ASXL1: variants seen among roughly 807,000 people sequenced by gnomAD.
The protein encoded by ASXL1 is ASXL transcriptional regulator 1, also known as polycomb group protein ASXL1.
ASXL1 carries 65 observed loss-of-function variants against 89.1 expected under a neutral mutation model. The ratio of observed to expected loss-of-function variants is 0.73; its 90% confidence interval spans 0.60 to 0.90. The LOEUF (loss-of-function observed/expected upper bound fraction) is 0.90. Among genes scored for constraint, ASXL1 ranks in the 40% least tolerant of loss-of-function variants. The pLI is 0.00. For synonymous variants in ASXL1, 739 were observed against 746.9 expected, an observed-to-expected ratio of 0.99 and a Z score of 0.17; for missense variants, 1,786 against 1,942.9, an observed-to-expected ratio of 0.92 and a Z score of 1.52.
Position 32,437,014 on chromosome 20 carries a change from C to T in ASXL1, c.4302C>T (p.Leu1434=). The T allele has an allele frequency of 1.9e-6, 3 of 1,614,122 alleles. No homozygotes were observed. Among genetic ancestry groups the T allele is most frequent in the Non-Finnish European group, 2.5e-6 (3 of 1,180,024 alleles). ...AGCCTTCTTCTCTCCCCTCCCAACT[C>T]AGCATCAAGCAGGCATTTTATGGGA... is the stretch of plus-strand genomic sequence containing the variant. ...PLEPSSLPSQ[L]SIKQAFYGKL... Residue 1434 remains leucine (L), a synonymous_variant, in exon 13 of 13, where the codon CTC becomes CTT. Transcript: ENST00000375687.
chr20:32,391,518 T>G (rs2048669987), intron 4 of ASXL1, among the ~76,000 whole-genome samples: 1 of 152,208 alleles, frequency 6.6e-6, no homozygotes, highest in African/African-American at 2.4e-5. Context: ...AGAGCTTTAC[T>G]CTCTTGCCCA....
At chr20:32,407,438 T>A (rs2048974739) in intron 4 of ASXL1, among the ~76,000 whole-genome samples, 1 of 152,082 alleles carries the variant, frequency 6.6e-6, no homozygotes, top group African/African-American at 2.4e-5. Flanking sequence ...GCAAATATTT[T>A]CTCCCAGTCT....
chr20:32,396,089 A>G (rs2048758436), intron 4 of ASXL1, among the ~76,000 whole-genome samples: 1 of 152,158 alleles, frequency 6.6e-6, no homozygotes, highest in Non-Finnish European at 1.5e-5. Flanking sequence ...ATGAGCGACC[A>G]CACCTGGTTT....
At position 32,436,056 on chromosome 20, in the gene ASXL1, G is replaced by A. The variant is rs1418007201; in HGVS notation, c.3344G>A (p.Ser1115Asn). 6.2e-7 allele frequency: 1 copy of A among 1,614,202 alleles called. No homozygotes were observed. The highest frequency in any genetic ancestry group is 8.5e-7 in the Non-Finnish European group (1 of 1,180,040). The stretch of plus-strand genomic sequence containing the variant: ...CTTGTGATGCAGTTGCTGCAGGGTA[G>A]CTTGCCCCTAGAGAAGGTTCTTCCA... The part of the protein sequence containing the change: ...NPLVMQLLQG[S>N]LPLEKVLPPA... The change falls in exon 13 of 13, where the codon AGC (serine) becomes AAC (asparagine). Residue 1115 changes from serine to asparagine, a missense_variant. Coordinates refer to ENST00000375687, the MANE Select transcript of ASXL1 (RefSeq NM_015338.6).
intron 3 of ASXL1, 92 bp from the exon 4 acceptor site, chr20:32,368,923 T>G (rs2048249424): frequency 9.6e-7 from 1 of 1,042,178 alleles, no homozygotes; most frequent in African/African-American, 1.6e-5. Context: ...CTTGCTTAGC[T>G]TCTTCTCATT....
In ASXL1 at chr20:32,433,669, C is replaced by G. The variant is rs1335820343; in HGVS notation, c.1471C>G (p.Gln491Glu). Reference sequence around the variant, plus strand: ...AGTTGAGTCTGTGGCTTCTCGGATCCAGGCTGAGCCAGACAACTTGGCACG... The same window carrying G: ...AGTTGAGTCTGTGGCTTCTCGGATCGAGGCTGAGCCAGACAACTTGGCACG... ...FPVESVASRIQAEPDNLARAS... is the reference protein window; with the variant it reads ...FPVESVASRIEAEPDNLARAS... The change falls in exon 12 of 13, where the codon CAG (glutamine) becomes GAG (glutamate). Residue 491 changes from glutamine (Q) to glutamate (E), a missense_variant. By Grantham distance (29) the Gln-to-Glu change is conservative. Around this residue, in one of 3 missense-constraint regions of ASXL1, gnomAD observed 1,418 missense variants for 1,427.8 expected, o/e 0.99. Transcript: ENST00000375687. 6.2e-7 allele frequency: 1 copy of G among 1,611,064 alleles called. No homozygotes were observed. The highest frequency in any genetic ancestry group is 8.5e-7 in the Non-Finnish European group (1 of 1,177,622).
At chr20:32,428,465 C>T (rs371782718) in intron 6 of ASXL1, 43 bp downstream of exon 6, 67 of 1,536,326 alleles carry the variant, frequency 4.4e-5, no homozygotes, top group Non-Finnish European at 5.8e-5. Flanking sequence ...TGAATGATGA[C>T]AGGTATAAGG....
At position 32,435,980 on chromosome 20, in the gene ASXL1, A is replaced by G. The variant is rs2011830292; in HGVS notation, c.3268A>G (p.Arg1090Gly). ...LLLASTEYQP[R>G]AVCLSMPGSS... ...GCTGGCCAGTACTGAGTACCAGCCA[A>G]GAGCCGTGTGCCTGTCCATGCCTGG... Residue 1090 changes from arginine (R) to glycine (G), a missense_variant, in exon 13 of 13, where the codon AGA becomes GGA. Physicochemically the swap from Arg to Gly is moderately radical, Grantham distance 125 (BLOSUM62 -2). Transcript: ENST00000375687. 3 of 1,614,058 alleles carry G rather than the reference A, an allele frequency of 1.9e-6. No individual in the cohort carries two copies. The South Asian group carries it at 3.3e-5, about 18-fold the overall frequency.
At position 32,387,943 on chromosome 20, in the gene ASXL1, C is replaced by G. The variant is rs185568684; in HGVS notation, c.252+18820C>G. Reference sequence around the variant, plus strand: ...ACTCCATTTTTTAAGTTGCTTAAATCAGAAACCTGGGAGTCATCAATTTTG... The same window carrying G: ...ACTCCATTTTTTAAGTTGCTTAAATGAGAAACCTGGGAGTCATCAATTTTG... On this transcript the variant is annotated intron_variant, in intron 4 of 12. Coordinates refer to ENST00000375687, the MANE Select transcript of ASXL1 (RefSeq NM_015338.6). 4.6e-5 allele frequency among the ~76,000 whole-genome samples: 7 copies of G among 152,270 alleles called. No individual in the cohort carries two copies. The East Asian group carries it at 1.2e-3, about 25-fold the overall frequency.
intron 10 of ASXL1, 31 bp downstream of exon 10, chr20:32,431,710 G>T: frequency 6.2e-7 from 1 of 1,604,448 alleles, no homozygotes. Context: ...CGGACGGCTT[G>T]CGACGCACCT....
intron 4 of ASXL1, chr20:32,372,325 C>G (rs553282405): frequency 8.4e-7 from 1 of 1,187,642 alleles, no homozygotes; most frequent in African/African-American, 1.6e-5. Context: ...TCTTAACTGC[C>G]TTTGGCTTTA....
chr20:32,435,344 A>G lies in ASXL1; in HGVS notation c.2632A>G (p.Ser878Gly), dbSNP rs1168526965. The change falls in exon 13 of 13, where the codon AGT becomes GGT. Residue 878 changes from serine to glycine, a missense_variant. Ser to Gly is a moderately conservative substitution (Grantham distance 56). This residue lies in a region of ASXL1 where 1,418 missense variants were observed against 1,427.8 expected (regional missense o/e 0.99). Coordinates refer to ENST00000375687, the MANE Select transcript of ASXL1 (RefSeq NM_015338.6). ...LGGSCPPMRE[S>G]DTRQENLKTK... ...TGGCTCATGCCCTCCTATGAGGGAA[A>G]GTGATACTAGACAAGAAAACTTGAA... 1 of 1,614,220 alleles carries G rather than the reference A, an allele frequency of 6.2e-7. No individual in the cohort carries two copies. The highest frequency in any genetic ancestry group is 8.5e-7 in the Non-Finnish European group (1 of 1,180,034).
At chr20:32,431,735 C>T (rs2123240919) in intron 10 of ASXL1, 56 bp downstream of exon 10, 1 of 1,557,536 alleles carries the variant, frequency 6.4e-7, no homozygotes, top group South Asian at 1.1e-5. Context: ...TGTGGTGTTG[C>T]ATGTCTCCTG....
Position 32,435,036 on chromosome 20 carries a change from T to G in ASXL1, c.2324T>G (p.Leu775Ter), listed in dbSNP as rs752263134. The G allele has an allele frequency of 2.5e-6, 4 of 1,614,102 alleles. No individual in the cohort carries two copies. Among genetic ancestry groups the G allele is most frequent in the Non-Finnish European group, 3.4e-6 (4 of 1,180,014 alleles). The change falls in exon 13 of 13, where the codon TTA becomes TGA. Residue 775 changes from leucine (L) to a stop codon, truncating the protein, a stop_gained. Coordinates refer to ENST00000375687, the MANE Select transcript of ASXL1 (RefSeq NM_015338.6). LOFTEE classifies it low-confidence loss of function (END_TRUNC). Reference protein sequence around the residue: ...LSSQTSVAERLVEQPQLHPDV... With the variant: ...LSSQTSVAER ...TCCCAAACCTCAGTAGCTGAGAGAT[T>G]AGTGGAGCAGCCTCAGTTGCATCCG...
chr20:32,359,377 G>C (rs529854435), intron 1 of ASXL1: 6 of 702,536 alleles, frequency 8.5e-6, no homozygotes, highest in Non-Finnish European at 1.6e-5. Flanking sequence ...CTTGAACCCT[G>C]AGCAGCGGTT....
In ASXL1 at chr20:32,369,031, G is replaced by T. The variant is rs867857427; in HGVS notation, c.160G>T (p.Ala54Ser). The T allele has an allele frequency of 9.9e-6, 16 of 1,613,492 alleles. No homozygotes were observed. Among genetic ancestry groups the T allele is most frequent in the Non-Finnish European group, 1.3e-5 (15 of 1,179,604 alleles). The stretch of plus-strand genomic sequence containing the variant: ...GTTTTACAGTGGGACTTCCCCTCTC[G>T]CATGCCTCAATGCTATGCTACATTC... ...KEMRSGTSPLACLNAMLHSNS... is the reference protein window; with the variant it reads ...KEMRSGTSPLSCLNAMLHSNS... Residue 54 changes from alanine to serine, a missense_variant, in exon 4 of 13, where the codon GCA becomes TCA. Around this residue, in one of 3 missense-constraint regions of ASXL1, gnomAD observed 332 missense variants for 449.7 expected, o/e 0.74. Coordinates refer to ENST00000375687, the MANE Select transcript of ASXL1 (RefSeq NM_015338.6).
At chr20:32,361,766 A>G (rs1324892839) in intron 1 of ASXL1, among the ~76,000 whole-genome samples, 1 of 151,678 alleles carries the variant, frequency 6.6e-6, no homozygotes, top group Admixed American at 6.6e-5. Flanking sequence ...GGTGAGGGGG[A>G]ACTTTTTAAG....
At chr20:32,427,849 G>T (rs1784133623) in intron 4 of ASXL1, 2 of 416,392 alleles carry the variant, frequency 4.8e-6, no homozygotes, top group Non-Finnish European at 9.0e-6. Flanking sequence ...CTTGATTCCT[G>T]CTCCTTAGCA....
chr20:32,391,989 T>C (rs1197869866), intron 4 of ASXL1, among the ~76,000 whole-genome samples: 2 of 152,144 alleles, frequency 1.3e-5, no homozygotes, highest in Non-Finnish European at 2.9e-5. Context: ...CCCTAATTCT[T>C]TTACTTGGGA....
Sources: allele counts gnomAD v4.1 joint callset (sites outside exome capture counted in the v4.1 genomes callset), GRCh38; gene constraint gnomAD v4.1.1; regional missense constraint gnomAD v4.1.1; transcripts MANE v1.5; gene names NCBI Gene and HGNC (gene_info 2026-07-23, HGNC 2026-07-21).